RBM25: variants seen among roughly 807,000 people sequenced by gnomAD.
The protein encoded by RBM25 is RNA-binding protein 25.
A neutral mutation model predicts 120.7 loss-of-function variants in RBM25; 19 were observed. The ratio of observed to expected loss-of-function variants is 0.16; its 90% CI spans 0.11 to 0.23. RBM25 has a LOEUF of 0.23. Ranked by LOEUF, RBM25 falls within the 10% of genes least tolerant of loss-of-function variation. The probability of loss-of-function intolerance (pLI) is 1.00; values close to 1 mark genes in which losing one functional copy is unlikely to be tolerated. For synonymous variants in RBM25, 390 were observed against 326.7 expected (o/e 1.19, Z -2.09); for missense variants, 605 against 1,041.5 (o/e 0.58, Z 5.77).
rs544098175 is a variant in RBM25 at position 73,064,121 on chromosome 14, A to C, written c.-16+5416A>C. On this transcript the variant is annotated intron_variant, in intron 1 of 18. Coordinates refer to ENST00000261973, the MANE Select transcript of RBM25 (RefSeq NM_021239.3). ...TTGGTGAGGCCTAATCGCTGTATTT[A>C]AAATAAACTACTCCATAGCTCTCTT... 1.5e-4 allele frequency among the ~76,000 whole-genome samples: 22 copies of C among 151,614 alleles called. 2 individuals are homozygous for C.
At chr14:73,095,752 A>G (rs552264800) in intron 6 of RBM25, among the ~76,000 whole-genome samples, 1 of 152,344 alleles carries the variant, frequency 6.6e-6, no homozygotes. Flanking sequence ...GGCACAAGGC[A>G]TGAAACTCAC....
At chr14:73,094,818 T>C (rs1895901835) in intron 6 of RBM25, among the ~76,000 whole-genome samples, 1 of 123,758 alleles carries the variant, frequency 8.1e-6, no homozygotes, top group African/African-American at 2.8e-5. Context: ...GAGGTGTGTG[T>C]GTGTGTGTGT....
chr14:73,112,073 C>T, intron 16 of RBM25, 79 bp from the exon 17 acceptor site: 2 of 1,319,780 alleles, frequency 1.5e-6, no homozygotes. Flanking sequence ...ATTTTAGTCT[C>T]AGGAAAAATC....
intron 18 of RBM25, among the ~76,000 whole-genome samples, chr14:73,115,486 C>G (rs1896407588): frequency 6.6e-6 from 1 of 152,172 alleles, no homozygotes; most frequent in Non-Finnish European, 1.5e-5. Flanking sequence ...CCATCCATGT[C>G]CCTGTAAAGG....
At chr14:73,104,026 T>C (rs1390390181) in intron 10 of RBM25, among the ~76,000 whole-genome samples, 1 of 148,404 alleles carries the variant, frequency 6.7e-6, no homozygotes, top group Non-Finnish European at 1.5e-5. Context: ...TCACTATGGG[T>C]AAAAGTAATA....
At chr14:73,102,574 G>A (rs1896077071) in intron 9 of RBM25, 1 of 152,196 alleles carries the variant, frequency 6.6e-6, no homozygotes. Flanking sequence ...TGAAGTGAGT[G>A]ATTTTCAAAC....
At chr14:73,087,377 T>A (rs1378395965) in intron 5 of RBM25, among the ~76,000 whole-genome samples, 1 of 151,792 alleles carries the variant, frequency 6.6e-6, no homozygotes, top group African/African-American at 2.4e-5. Context: ...GGTGAATTTA[T>A]GAAATAATTG....
At chr14:73,081,760 A>G (rs1895569550) in intron 4 of RBM25, among the ~76,000 whole-genome samples, 1 of 152,112 alleles carries the variant, frequency 6.6e-6, no homozygotes, top group Non-Finnish European at 1.5e-5. Flanking sequence ...CCTCACATTG[A>G]AGGTGCTGCC....
intron 1 of RBM25, among the ~76,000 whole-genome samples, chr14:73,071,092 A>G (rs975578647): frequency 6.6e-6 from 1 of 151,712 alleles, no homozygotes; most frequent in Non-Finnish European, 1.5e-5. Context: ...AAATACAAAA[A>G]TTAGCTGGGC....
chr14:73,106,206 A>G lies in RBM25; in HGVS notation c.1388A>G (p.Asn463Ser). 1 of 1,591,928 alleles carries G rather than the reference A, an allele frequency of 6.3e-7. No individual in the cohort carries two copies. Among genetic ancestry groups the G allele is most frequent in the Non-Finnish European group, 8.5e-7 (1 of 1,173,390 alleles). Residue 463 changes from asparagine (N) to serine (S), a missense_variant, in exon 12 of 19, where the codon AAT becomes AGT. Transcript: ENST00000261973. Reference sequence around the variant, plus strand: ...ATTTAATTTTTTTAGCGCCTTAAGAATTGGGAAATCAGAGAACGAAAGAAA... The same window carrying G: ...ATTTAATTTTTTTAGCGCCTTAAGAGTTGGGAAATCAGAGAACGAAAGAAA... ...KEAAYQERLK[N>S]WEIRERKKTR...
chr14:73,099,560 T>C, intron 8 of RBM25, 107 bp from the exon 9 acceptor site: 2 of 1,585,208 alleles, frequency 1.3e-6, no homozygotes, highest in Non-Finnish European at 8.5e-7. Flanking sequence ...GGATATTCTG[T>C]TTACTTATTT....
intron 6 of RBM25, among the ~76,000 whole-genome samples, chr14:73,091,835 G>A (rs978197212): frequency 4.6e-5 from 7 of 151,938 alleles, no homozygotes; most frequent in African/African-American, 1.2e-4. Context: ...CTGAGATTGC[G>A]CCACTGCAGT....
chr14:73,119,998 G>C lies in RBM25; in HGVS notation c.*193G>C, dbSNP rs1896511666. 1.3e-6 allele frequency: 1 copy of C among 774,618 alleles called. No individual in the cohort carries two copies. Among genetic ancestry groups the C allele is most frequent in the Non-Finnish European group, 1.9e-6 (1 of 539,610 alleles). 48.0% of individuals were successfully genotyped at this position (774,618 alleles called of 1,614,324 possible). ...TGGTTGTAAAGTCATCTGAATCCTT[G>C]GTTCTCTTTATACTCACCAGGTACA... is the stretch of plus-strand genomic sequence containing the variant. On this transcript the variant is annotated 3_prime_UTR_variant, in exon 19 of 19. Coordinates refer to ENST00000261973, the MANE Select transcript of RBM25 (RefSeq NM_021239.3).
intron 6 of RBM25, among the ~76,000 whole-genome samples, chr14:73,091,088 T>G (rs1428963050): frequency 6.6e-6 from 1 of 152,250 alleles, no homozygotes; most frequent in Admixed American, 6.5e-5. Flanking sequence ...TGTTTAATCT[T>G]CAGTTTGTGA....
At chr14:73,099,213 G>C (rs1211472002) in intron 7 of RBM25, among the ~76,000 whole-genome samples, 167 bp from the exon 8 acceptor site, 2 of 152,180 alleles carry the variant, frequency 1.3e-5, no homozygotes, top group African/African-American at 4.8e-5. Context: ...ATCAGTTATT[G>C]TAAAAAGAGT....
At chr14:73,116,287 A>G (rs1380907025) in intron 18 of RBM25, among the ~76,000 whole-genome samples, 1 of 152,178 alleles carries the variant, frequency 6.6e-6, no homozygotes, top group African/African-American at 2.4e-5. Flanking sequence ...CAATGGGAAG[A>G]TGAGTAAGGA....
intron 1 of RBM25, among the ~76,000 whole-genome samples, chr14:73,069,262 C>T (rs1171097105): frequency 1.3e-5 from 2 of 152,168 alleles, no homozygotes; most frequent in African/African-American, 2.4e-5. Context: ...GGGAGAAATT[C>T]ACATGATGTG....
At chr14:73,114,440 T>G (rs1038115862) in intron 18 of RBM25, 107 bp downstream of exon 18, 5 of 742,018 alleles carry the variant, frequency 6.7e-6, no homozygotes, top group Non-Finnish European at 8.3e-6. Flanking sequence ...CAGGGTAGTC[T>G]TAAATTCCTA....
chr14:73,073,259 G>T (rs1441071362), intron 2 of RBM25, among the ~76,000 whole-genome samples: 1 of 152,036 alleles, frequency 6.6e-6, no homozygotes, highest in Non-Finnish European at 1.5e-5. Context: ...ACTACTCATT[G>T]TAAAATTTTT....
Sources: gnomAD v4.1 joint callset for allele counts (sites outside exome capture counted in the v4.1 genomes callset) on GRCh38, gnomAD v4.1.1 for gene constraint, MANE v1.5 for transcripts, NCBI Gene and HGNC (gene_info 2026-07-23, HGNC 2026-07-21) for gene names.